MARK1: variants seen among roughly 807,000 people sequenced by gnomAD.
MARK1 encodes serine/threonine-protein kinase MARK1.
In MARK1, 40 loss-of-function variants were observed where a neutral mutation model predicts 96.3. The ratio of observed to expected loss-of-function variants is 0.42; its 90% CI spans 0.32 to 0.54. MARK1 has a LOEUF of 0.54. Among genes scored for constraint, MARK1 ranks in the 20% least tolerant of loss-of-function variants. The probability of loss-of-function intolerance (pLI) is 0.16; values close to 1 mark genes in which losing one functional copy is unlikely to be tolerated. For synonymous variants in MARK1, 317 were observed against 341.2 expected (o/e 0.93, Z 0.78); for missense variants, 719 against 984.6 (o/e 0.73, Z 3.61).
intron 9 of MARK1, chr1:220,626,834 AG>A: frequency 8.2e-6 from 3 of 367,234 alleles, no homozygotes; most frequent in Non-Finnish European, 1.6e-5. Context: ...AAAAAAAAAA[AG>A]GGTTGAGGGG....
intron 4 of MARK1, among the ~76,000 whole-genome samples, chr1:220,598,964 G>A (rs1024672542): frequency 6.6e-6 from 1 of 151,974 alleles, no homozygotes; most frequent in Non-Finnish European, 1.5e-5. Context: ...AGACAACAGA[G>A]TGAGACCCTG....
intron 1 of MARK1, among the ~76,000 whole-genome samples, chr1:220,574,049 G>A (rs1274266412): frequency 6.6e-6 from 1 of 151,950 alleles, no homozygotes; most frequent in Non-Finnish European, 1.5e-5. Flanking sequence ...GTCATCTTGG[G>A]GTCTGTTTCT....
At chr1:220,565,896 A>G (rs922933233) in intron 1 of MARK1, among the ~76,000 whole-genome samples, 1 of 152,222 alleles carries the variant, frequency 6.6e-6, no homozygotes, top group Non-Finnish European at 1.5e-5. Context: ...CAGCCCCAAG[A>G]GGAATCCTTT....
intron 1 of MARK1, among the ~76,000 whole-genome samples, chr1:220,572,309 T>C (rs1247296745): frequency 6.6e-6 from 1 of 152,224 alleles, no homozygotes; most frequent in Non-Finnish European, 1.5e-5. Context: ...TGGTGCGATC[T>C]CTGCTCACCA....
chr1:220,656,792 T>G (rs1361162913), intron 16 of MARK1, among the ~76,000 whole-genome samples: 1 of 152,184 alleles, frequency 6.6e-6, no homozygotes, highest in East Asian at 1.9e-4. Context: ...AGAAAAATTT[T>G]TTTTTTCATA....
intron 10 of MARK1, among the ~76,000 whole-genome samples, 182 bp from the exon 11 acceptor site, chr1:220,632,019 A>G (rs1240471279): frequency 2.0e-5 from 3 of 152,192 alleles, no homozygotes. Context: ...TAAAATTATC[A>G]TTGTACAATA....
At chr1:220,586,013 G>GTGCGCGCA (rs1553323005) in intron 3 of MARK1, among the ~76,000 whole-genome samples, 19 of 53,020 alleles carry the variant, frequency 3.6e-4, no homozygotes, top group Non-Finnish European at 5.0e-4. Flanking sequence ...ACACACACAC[G>GTGCGCGCA]CGCGCGTGCG....
intron 1 of MARK1, chr1:220,571,657 A>G (rs936417910): frequency 7.9e-5 from 12 of 152,226 alleles, no homozygotes; most frequent in African/African-American, 2.4e-4. Context: ...TGAAGTAGGT[A>G]TTAATTATTA....
intron 1 of MARK1, among the ~76,000 whole-genome samples, chr1:220,564,368 G>T (rs1381294170): frequency 6.6e-6 from 1 of 152,188 alleles, no homozygotes; most frequent in Admixed American, 6.5e-5. Flanking sequence ...AAAATCTGTT[G>T]TGAGCTGAGT....
Position 220,610,575 on chromosome 1 carries a change from G to A in MARK1, c.496-5364G>A, listed in dbSNP as rs141682252. ...TGTCAACTTGTCAAAGTCGTTCTCCGTCCAGCTTTGTTCTGTTGCTGGCAA... is the reference window on the plus strand; with the variant it reads ...TGTCAACTTGTCAAAGTCGTTCTCCATCCAGCTTTGTTCTGTTGCTGGCAA... On this transcript the variant is annotated intron_variant, in intron 6 of 17. Transcript: ENST00000366917. Among the ~76,000 whole-genome samples, 1,376 of 152,192 alleles carry A rather than the reference G, an allele frequency of 9.0e-3. 31 individuals carry two copies. The highest frequency in any genetic ancestry group is 0.029 in the African/African-American group (1,224 of 41,518).
At chr1:220,616,298 A>G (rs1200853029) in intron 7 of MARK1, among the ~76,000 whole-genome samples, 1 of 152,220 alleles carries the variant, frequency 6.6e-6, no homozygotes, top group Non-Finnish European at 1.5e-5. Context: ...GACCTCAGGC[A>G]GAAGCAAAGT....
intron 13 of MARK1, among the ~76,000 whole-genome samples, chr1:220,638,055 G>T (rs1447351600): frequency 6.6e-6 from 1 of 151,860 alleles, no homozygotes; most frequent in Non-Finnish European, 1.5e-5. Flanking sequence ...AGAATTGATG[G>T]ATAAAACCAC....
chr1:220,605,520 C>CT (rs1293510206), intron 6 of MARK1, among the ~76,000 whole-genome samples: 1 of 147,886 alleles, frequency 6.8e-6, no homozygotes, highest in Non-Finnish European at 1.5e-5. Context: ...ATTTTTCTTC[C>CT]TTTTTTAAAT....
chr1:220,657,297 T>C (rs1221115163), intron 16 of MARK1, among the ~76,000 whole-genome samples: 1 of 152,222 alleles, frequency 6.6e-6, no homozygotes, highest in Non-Finnish European at 1.5e-5. Context: ...TATTTTATCA[T>C]GTGCATGAAT....
intron 1 of MARK1, among the ~76,000 whole-genome samples, chr1:220,535,832 G>A (rs551872501): frequency 6.6e-6 from 1 of 152,070 alleles, no homozygotes; most frequent in Admixed American, 6.6e-5. Context: ...GTATGCATGG[G>A]TTCATTTCTG....
chr1:220,528,936 A>T (rs1572025039), intron 1 of MARK1, 63 bp downstream of exon 1: 1 of 1,477,106 alleles, frequency 6.8e-7, no homozygotes, highest in Admixed American at 2.2e-5. Context: ...TCCCCACTTC[A>T]CCCGCGCTTG....
At chr1:220,540,595 A>G (rs1040573643) in intron 1 of MARK1, among the ~76,000 whole-genome samples, 2 of 152,194 alleles carry the variant, frequency 1.3e-5, no homozygotes, top group Non-Finnish European at 2.9e-5. Context: ...AGGAATTTAT[A>G]CATTTCTTCT....
intron 13 of MARK1, among the ~76,000 whole-genome samples, chr1:220,647,015 C>A (rs764468263): frequency 2.6e-5 from 4 of 152,092 alleles, no homozygotes; most frequent in South Asian, 4.1e-4. Flanking sequence ...ATGATGAAAT[C>A]GCCAAAAGGA....
chr1:220,545,960 G>A (rs957686899), intron 1 of MARK1, among the ~76,000 whole-genome samples: 3 of 152,098 alleles, frequency 2.0e-5, no homozygotes, highest in Non-Finnish European at 4.4e-5. Context: ...ATCTTGCTAA[G>A]TCAGTTTGGT....
Sources: allele counts gnomAD v4.1 joint callset (sites outside exome capture counted in the v4.1 genomes callset), GRCh38; gene constraint gnomAD v4.1.1; transcripts MANE v1.5; gene names NCBI Gene and HGNC (gene_info 2026-07-23, HGNC 2026-07-21).